Variants in CADM2 observed in about 807,000 individuals in gnomAD.
CADM2 encodes immunoglobulin superfamily member 4D.
CADM2 carries 12 observed loss-of-function variants against 49.8 expected under a neutral mutation model. The observed-to-expected ratio is 0.24, with a 90% CI of 0.15 to 0.39. The LOEUF is 0.39. Ranked by LOEUF, CADM2 falls within the 10% of genes least tolerant of loss-of-function variation. The pLI, the probability that CADM2 is intolerant of heterozygous loss-of-function variation, is 1.00. For missense variants in CADM2, 378 were observed against 492.3 expected (o/e 0.77, Z 2.20); for synonymous variants, 214 against 175.4 (o/e 1.22, Z -1.74).
intron 1 of CADM2, among the ~76,000 whole-genome samples, chr3:85,400,786 G>A (rs1018202146): frequency 6.6e-6 from 1 of 152,030 alleles, no homozygotes; most frequent in Non-Finnish European, 1.5e-5. Context: ...AGACGCAGGC[G>A]GAGGGTTTCC....
intron 1 of CADM2, among the ~76,000 whole-genome samples, chr3:85,174,102 C>T (rs533909664): frequency 1.4e-4 from 21 of 152,194 alleles, no homozygotes; most frequent in African/African-American, 3.1e-4. Context: ...TCTGTTCCAG[C>T]GCACCCCATC....
intron 1 of CADM2, among the ~76,000 whole-genome samples, chr3:85,300,142 A>AT (rs1191234620): frequency 6.6e-6 from 1 of 152,024 alleles, no homozygotes; most frequent in Non-Finnish European, 1.5e-5. Context: ...AGCATTTTGA[A>AT]TTTTTATCCA....
At chr3:85,373,857 C>A (rs1020311559) in intron 1 of CADM2, among the ~76,000 whole-genome samples, 10 of 152,168 alleles carry the variant, frequency 6.6e-5, no homozygotes, top group Non-Finnish European at 1.2e-4. Flanking sequence ...GAACCAAGTC[C>A]CCAGACTGTA....
At chr3:86,023,687 T>C (rs546348690) in intron 8 of CADM2, among the ~76,000 whole-genome samples, 45 of 152,274 alleles carry the variant, frequency 3.0e-4, no homozygotes, top group African/African-American at 1.1e-3. Flanking sequence ...GGGAGAAGGA[T>C]ACGTCTTTGC....
chr3:85,768,010 G>C (rs2069751722), intron 2 of CADM2, among the ~76,000 whole-genome samples: 1 of 151,974 alleles, frequency 6.6e-6, no homozygotes, highest in Non-Finnish European at 1.5e-5. Context: ...ACTGATTATT[G>C]TTCAGACGAT....
chr3:85,467,920 C>T (rs867930872), intron 1 of CADM2, among the ~76,000 whole-genome samples: 2 of 152,064 alleles, frequency 1.3e-5, no homozygotes, highest in South Asian at 2.1e-4. Context: ...TTTGGGAGGC[C>T]GAGGCGGGCG....
intron 5 of CADM2, among the ~76,000 whole-genome samples, chr3:85,904,494 G>C (rs1716529409): frequency 6.6e-6 from 1 of 152,198 alleles, no homozygotes; most frequent in Admixed American, 6.5e-5. Flanking sequence ...GGATGAGGTT[G>C]AATTAGGGAG....
At chr3:85,784,805 T>A (rs1577306349) in intron 2 of CADM2, among the ~76,000 whole-genome samples, 1 of 152,206 alleles carries the variant, frequency 6.6e-6, no homozygotes, top group East Asian at 1.9e-4. Context: ...TCTCATAGGA[T>A]GAGTTTGGAA....
chr3:86,064,990 A>G (rs1295613775), intron 8 of CADM2, among the ~76,000 whole-genome samples: 4 of 152,058 alleles, frequency 2.6e-5, no homozygotes, highest in Non-Finnish European at 4.4e-5. Flanking sequence ...TTGATCAACT[A>G]CAGTGTTTTC....
chr3:86,062,175 G>A (rs907524448), intron 8 of CADM2, among the ~76,000 whole-genome samples: 3 of 152,128 alleles, frequency 2.0e-5, no homozygotes, highest in African/African-American at 7.2e-5. Flanking sequence ...GCCCAGTTCT[G>A]CAAGATATTC....
chr3:85,140,458 A>G (rs1416951737), intron 1 of CADM2, among the ~76,000 whole-genome samples: 5 of 152,198 alleles, frequency 3.3e-5, no homozygotes, highest in Admixed American at 6.5e-5. Flanking sequence ...AAACATGTAC[A>G]TTGGTAGTAT....
intron 1 of CADM2, among the ~76,000 whole-genome samples, chr3:85,289,627 C>T (rs2043725827): frequency 6.6e-6 from 1 of 152,148 alleles, no homozygotes; most frequent in African/African-American, 2.4e-5. Context: ...CTACAGACTT[C>T]AGGTGAAAAA....
intron 1 of CADM2, among the ~76,000 whole-genome samples, chr3:85,604,408 A>G (rs1471157209): frequency 6.6e-6 from 1 of 151,930 alleles, no homozygotes; most frequent in Admixed American, 6.6e-5. Context: ...GTAATTCCTA[A>G]AGACTACAAG....
At chr3:85,954,665 A>C (rs1723829245) in intron 7 of CADM2, among the ~76,000 whole-genome samples, 1 of 151,246 alleles carries the variant, frequency 6.6e-6, no homozygotes, top group Admixed American at 6.6e-5. Context: ...CCTAAGCTAA[A>C]GTTTGTTCAG....
chr3:85,787,680 A>G (rs1162437418), intron 2 of CADM2, among the ~76,000 whole-genome samples: 2 of 152,152 alleles, frequency 1.3e-5, no homozygotes, highest in Admixed American at 6.6e-5. Context: ...GTTCAAACCC[A>G]TCTTGTTCAA....
intron 1 of CADM2, among the ~76,000 whole-genome samples, chr3:85,717,587 A>T (rs979584150): frequency 6.6e-6 from 1 of 152,154 alleles, no homozygotes; most frequent in Non-Finnish European, 1.5e-5. Context: ...AAAGGGAATG[A>T]TTCCAGCTTT....
At chr3:85,526,217 A>G (rs1277336645) in intron 1 of CADM2, among the ~76,000 whole-genome samples, 1 of 152,082 alleles carries the variant, frequency 6.6e-6, no homozygotes, top group Admixed American at 6.6e-5. Context: ...TTTCCTTACA[A>G]CAAGTGTTTT....
chr3:85,853,343 A>T (rs1252412469), intron 3 of CADM2, among the ~76,000 whole-genome samples: 1 of 152,088 alleles, frequency 6.6e-6, no homozygotes, highest in African/African-American at 2.4e-5. Context: ...GAAGGGGGAC[A>T]GATCATCTAA....
At chr3:85,363,853 C>T (rs1172528592) in intron 1 of CADM2, among the ~76,000 whole-genome samples, 1 of 152,196 alleles carries the variant, frequency 6.6e-6, no homozygotes, top group African/African-American at 2.4e-5. Flanking sequence ...CCTCGTGATC[C>T]GCCCGCCTCG....
Sources: allele counts gnomAD v4.1 joint callset (sites outside exome capture counted in the v4.1 genomes callset), GRCh38; gene constraint gnomAD v4.1.1; transcripts MANE v1.5; gene names NCBI Gene and HGNC (gene_info 2026-07-23, HGNC 2026-07-21).